Variants in SLC4A4 observed in about 807,000 individuals in gnomAD.
SLC4A4 encodes electrogenic sodium bicarbonate cotransporter 1.
A neutral mutation model predicts 111.5 loss-of-function variants in SLC4A4; 27 were observed. The ratio of observed to expected loss-of-function variants is 0.24; its 90% CI spans 0.18 to 0.33. The LOEUF is 0.33. Ranked by LOEUF, SLC4A4 falls within the 10% of genes least tolerant of loss-of-function variation. The pLI is 1.00. For missense variants in SLC4A4, 909 were observed against 1,315.5 expected, an observed-to-expected ratio of 0.69 and a Z score of 4.78; for synonymous variants, 443 against 463.4, an observed-to-expected ratio of 0.96 and a Z score of 0.57.
In SLC4A4 at chr4:71,571,398, T is replaced by G. The variant is rs958056263; in HGVS notation, c.*3647T>G. 2 of 152,122 alleles carry G rather than the reference T, an allele frequency of 1.3e-5. No individual in the cohort carries two copies. Among genetic ancestry groups the G allele is most frequent in the African/African-American group, 4.8e-5 (2 of 41,402 alleles). The allele number at this position is 152,122 out of a possible 1,614,324, so 9.4% of individuals were successfully genotyped here. A position where few individuals can be genotyped will look rare whatever the true frequency, so the allele number is the denominator to read the frequency against. ...CACCAAATGGCTGGGTACAATCAAG[T>G]GATATTTTGTAGCACCTCACTATCT... On this transcript the variant is annotated 3_prime_UTR_variant, in exon 26 of 26. Coordinates refer to ENST00000264485, the MANE Select transcript of SLC4A4 (RefSeq NM_001098484.3).
At chr4:71,351,767 A>G (rs1409426229) in intron 5 of SLC4A4, among the ~76,000 whole-genome samples, 3 of 152,206 alleles carry the variant, frequency 2.0e-5, no homozygotes, top group Non-Finnish European at 4.4e-5. Flanking sequence ...ATTATTTTAT[A>G]CATTTATTCA....
chr4:71,087,278 T>G (rs1474563916), intron 1 of SLC4A4, among the ~76,000 whole-genome samples: 2 of 152,014 alleles, frequency 1.3e-5, no homozygotes, highest in Non-Finnish European at 2.9e-5. Context: ...TTTTTGCATC[T>G]ATTTGAGTCT....
chr4:71,404,148 G>A (rs1016631223), intron 7 of SLC4A4, among the ~76,000 whole-genome samples: 3 of 152,080 alleles, frequency 2.0e-5, no homozygotes, highest in African/African-American at 7.2e-5. Context: ...ACCAAGAATA[G>A]TGAGATTGAA....
intron 1 of SLC4A4, among the ~76,000 whole-genome samples, chr4:71,078,491 G>A (rs920770532): frequency 3.3e-5 from 5 of 152,118 alleles, no homozygotes; most frequent in Admixed American, 6.6e-5. Context: ...GGAGCATGGG[G>A]CATTAGAATC....
intron 7 of SLC4A4, among the ~76,000 whole-genome samples, chr4:71,411,860 C>T (rs1006344724): frequency 6.6e-6 from 1 of 152,158 alleles, no homozygotes; most frequent in Admixed American, 6.5e-5. Context: ...GCTGTAAGCA[C>T]TTAGACAAAC....
chr4:71,266,877 A>G (rs1383535512), intron 3 of SLC4A4, among the ~76,000 whole-genome samples: 1 of 152,252 alleles, frequency 6.6e-6, no homozygotes, highest in Non-Finnish European at 1.5e-5. Context: ...CTTTTTAGGC[A>G]TAGTCCTGGG....
Position 71,568,778 on chromosome 4 carries a change from A to C in SLC4A4, c.*1027A>C, listed in dbSNP as rs1328157170. On this transcript the variant is annotated 3_prime_UTR_variant, in exon 26 of 26. Coordinates refer to ENST00000264485, the MANE Select transcript of SLC4A4 (RefSeq NM_001098484.3). The stretch of plus-strand genomic sequence containing the variant: ...GATTTTTACACATACATACACACAC[A>C]AATACACAATCTCTAGGGTAAGCCA... 6.6e-6 allele frequency: 1 copy of C among 152,186 alleles called. No homozygotes were observed. The highest frequency in any genetic ancestry group is 1.9e-4 in the East Asian group (1 of 5,130). 9.4% of individuals were successfully genotyped at this position (152,186 alleles called of 1,614,324 possible). A position where few individuals can be genotyped will look rare whatever the true frequency, so the allele number is the denominator to read the frequency against.
chr4:71,290,176 T>A (rs1458110617), intron 3 of SLC4A4, among the ~76,000 whole-genome samples: 2 of 152,074 alleles, frequency 1.3e-5, no homozygotes, highest in Non-Finnish European at 2.9e-5. Context: ...AGGATTACAG[T>A]TTGAGAGCTC....
intron 18 of SLC4A4, among the ~76,000 whole-genome samples, chr4:71,541,062 G>A (rs1283200796): frequency 1.3e-5 from 2 of 152,086 alleles, no homozygotes; most frequent in African/African-American, 4.8e-5. Flanking sequence ...GCCAGTAGAG[G>A]CATTTACACC....
chr4:71,405,832 G>T (rs947783040), intron 7 of SLC4A4, among the ~76,000 whole-genome samples: 4 of 152,148 alleles, frequency 2.6e-5, no homozygotes, highest in African/African-American at 4.8e-5. Flanking sequence ...GGGGCTTTTT[G>T]TCAGAAGCTT....
At chr4:71,439,609 G>T (rs976866012) in intron 7 of SLC4A4, among the ~76,000 whole-genome samples, 3 of 151,680 alleles carry the variant, frequency 2.0e-5, no homozygotes, top group Admixed American at 2.0e-4. Context: ...CTGGCTACTG[G>T]TGAAGTCTTG....
chr4:71,493,209 T>A (rs1434341119), intron 15 of SLC4A4, among the ~76,000 whole-genome samples: 1 of 152,010 alleles, frequency 6.6e-6, no homozygotes, highest in African/African-American at 2.4e-5. Context: ...AAATAAATAT[T>A]GAATAATTTT....
At position 71,208,426 on chromosome 4, in the gene SLC4A4, G is replaced by A. The variant is rs1165292607; in HGVS notation, c.-2+21025G>A. Among the ~76,000 whole-genome samples, 14 of 126,298 alleles carry A rather than the reference G, an allele frequency of 1.1e-4. No individual in the cohort carries two copies. The East Asian group carries it at 1.6e-3, about 14-fold the overall frequency. 82.9% of individuals were successfully genotyped at this position (126,298 alleles called of 152,430 possible). A position where few individuals can be genotyped will look rare whatever the true frequency, so the allele number is the denominator to read the frequency against. The stretch of plus-strand genomic sequence containing the variant: ...AGCCTGGGCGACAGGGTGAGACTCC[G>A]TCTCAAAAAAAAAAAAAATATATAT... On this transcript the variant is annotated intron_variant, in intron 1 of 25. Transcript: ENST00000264485.
At chr4:71,220,541 G>A (rs187677263) in intron 1 of SLC4A4, among the ~76,000 whole-genome samples, 139 of 151,902 alleles carry the variant, frequency 9.2e-4, no homozygotes, top group African/African-American at 2.8e-3. Context: ...CCTTAGTACC[G>A]TCTAATACCC....
intron 3 of SLC4A4, among the ~76,000 whole-genome samples, chr4:71,274,394 C>T (rs551442892): frequency 1.5e-4 from 23 of 151,988 alleles, no homozygotes; most frequent in African/African-American, 5.5e-4. Flanking sequence ...GTTCAGTGGC[C>T]AACTGTATGT....
At chr4:71,451,112 G>T in intron 10 of SLC4A4, 76 bp from the exon 11 acceptor site, 1 of 961,264 alleles carries the variant, frequency 1.0e-6, no homozygotes, top group Non-Finnish European at 1.7e-6. Flanking sequence ...CTCCCCATTA[G>T]CCAGAGCATG....
At chr4:71,074,638 A>G (rs1346174744) in intron 1 of SLC4A4, among the ~76,000 whole-genome samples, 1 of 151,976 alleles carries the variant, frequency 6.6e-6, no homozygotes, top group Non-Finnish European at 1.5e-5. Flanking sequence ...GAGAAAAAGG[A>G]GAAGAGAAAG....
intron 23 of SLC4A4, among the ~76,000 whole-genome samples, chr4:71,563,187 A>G (rs1202975611): frequency 1.3e-5 from 2 of 151,710 alleles, no homozygotes; most frequent in Non-Finnish European, 2.9e-5. Flanking sequence ...TAAACATTTT[A>G]TTTTCTTATG....
At chr4:71,098,944 CT>C (rs1264841474) in intron 2 of SLC4A4, among the ~76,000 whole-genome samples, 1 of 152,124 alleles carries the variant, frequency 6.6e-6, no homozygotes, top group Non-Finnish European at 1.5e-5. Flanking sequence ...CACAGGAGCA[CT>C]CAGATTTATA....
Sources: allele counts gnomAD v4.1 joint callset (sites outside exome capture counted in the v4.1 genomes callset), GRCh38; gene constraint gnomAD v4.1.1; transcripts MANE v1.5; gene names NCBI Gene and HGNC (gene_info 2026-07-23, HGNC 2026-07-21).